The following EPHA1 variants were observed in gnomAD, a reference collection of about 807,000 sequenced individuals.
EPHA1 encodes the protein ephrin type-A receptor 1.
A neutral mutation model predicts 110.1 loss-of-function variants in EPHA1; 92 were observed. The ratio of observed to expected loss-of-function variants is 0.84; its 90% CI spans 0.71 to 0.99. EPHA1 has a LOEUF of 0.99. Ranked by LOEUF, EPHA1 falls within the 50% of genes least tolerant of loss-of-function variation. The pLI, the probability that EPHA1 is intolerant of heterozygous loss-of-function variation, is 0.00. For synonymous variants in EPHA1, 500 were observed against 516.1 expected (o/e 0.97, Z 0.42); for missense variants, 1,204 against 1,285.4 (o/e 0.94, Z 0.97).
chr7:143,401,473 C>A lies in EPHA1; in HGVS notation c.283G>T (p.Val95Phe). The A allele has an allele frequency of 6.2e-7, 1 of 1,614,090 alleles. No homozygotes were observed. Among genetic ancestry groups the A allele is most frequent in the Non-Finnish European group, 8.5e-7 (1 of 1,180,040 alleles). Reference protein sequence around the residue: ...WIYRGEEASRVHVELQFTVRD... With the variant: ...WIYRGEEASRFHVELQFTVRD... ...ACGGTGAACTGCAGCTCCACGTGGA[C>A]GCGGGAAGCCTCCTCCCCGCGGTAG... The change falls in exon 3 of 18, where the codon GTC becomes TTC. Residue 95 changes from valine to phenylalanine, a missense_variant. Physicochemically the swap from Val to Phe is conservative, Grantham distance 50. Coordinates refer to ENST00000275815, the MANE Select transcript of EPHA1 (RefSeq NM_005232.5). The surrounding 1 kb of genome is among the most constrained non-coding windows in gnomAD (Gnocchi z 4.1).
intron 2 of EPHA1, among the ~76,000 whole-genome samples, chr7:143,406,531 C>T (rs533388840): frequency 6.6e-6 from 1 of 152,300 alleles, no homozygotes; most frequent in South Asian, 2.1e-4. Context: ...CTAATTGAAC[C>T]CGAGGAGGAG....
rs963098520 is a variant in EPHA1 at position 143,393,430 on chromosome 7, C to T, written c.2696+241G>A. Among the ~76,000 whole-genome samples, 1 of 152,052 alleles carries T rather than the reference C, an allele frequency of 6.6e-6. No individual in the cohort carries two copies. Among genetic ancestry groups the T allele is most frequent in the Non-Finnish European group, 1.5e-5 (1 of 68,016 alleles). On this transcript the variant is annotated intron_variant, in intron 16 of 17. Coordinates refer to ENST00000275815, the MANE Select transcript of EPHA1 (RefSeq NM_005232.5). The surrounding 1 kb of genome is among the most constrained non-coding windows in gnomAD (Gnocchi z 5.6). ...GCTGCCTGAGAAGAGAAAAGATGGG[C>T]CCCCCACCCCCAAGCCCAGGTGAAG...
At chr7:143,407,373 A>G (rs1179396414) in intron 2 of EPHA1, among the ~76,000 whole-genome samples, 1 of 151,952 alleles carries the variant, frequency 6.6e-6, no homozygotes, top group Non-Finnish European at 1.5e-5. Context: ...TGTATTCACA[A>G]TATTCCCAAG....
intron 1 of EPHA1, among the ~76,000 whole-genome samples, chr7:143,408,226 G>A (rs907581913): frequency 6.6e-6 from 1 of 152,118 alleles, no homozygotes; most frequent in Non-Finnish European, 1.5e-5. Context: ...GGCCGGAGAG[G>A]GTGTTCCAAC....
chr7:143,393,844 A>G lies in EPHA1; in HGVS notation c.2523T>C (p.Asp841=). The change falls in exon 16 of 18, where the codon GAT becomes GAC. Residue 841 remains aspartate (D), a synonymous_variant. Transcript: ENST00000275815. This position sits in a 1 kb window ranked among gnomAD's most constrained non-coding sequence, Gnocchi z 5.6. ...CCACAGGAGGGGGCAACCGGTACCCATCCTCAATGCTCTTCATAACCTGCA... is the reference window on the plus strand; with the variant it reads ...CCACAGGAGGGGGCAACCGGTACCCGTCCTCAATGCTCTTCATAACCTGCA... ...SNQEVMKSIE[D]GYRLPPPVDC... 6.4e-7 allele frequency: 1 copy of G among 1,574,180 alleles called. No homozygotes were observed. The highest frequency in any genetic ancestry group is 1.8e-5 in the Admixed American group (1 of 56,694).
Position 143,396,528 on chromosome 7 carries a change from G to A in EPHA1, c.1772-18C>T. On this transcript the variant is annotated intron_variant, in intron 10 of 17. Coordinates refer to ENST00000275815, the MANE Select transcript of EPHA1 (RefSeq NM_005232.5). Reference sequence around the variant, plus strand: ...CTTGTCCTCTATGGGCAGAACATGAGGTTGGGGAGTACCAACATCAGGGCT... The same window carrying A: ...CTTGTCCTCTATGGGCAGAACATGAAGTTGGGGAGTACCAACATCAGGGCT... The A allele has an allele frequency of 6.2e-7, 1 of 1,612,880 alleles. No individual in the cohort carries two copies. Among genetic ancestry groups the A allele is most frequent in the Non-Finnish European group, 8.5e-7 (1 of 1,179,204 alleles).
At position 143,394,737 on chromosome 7, in the gene EPHA1, T is replaced by G. The variant is rs1002680028; in HGVS notation, c.2352+71A>C. ...GCCTGGCCAAGTCTTTGTGCCTATATACATGTGACTGTATGAATGGCATGT... is the reference window on the plus strand; with the variant it reads ...GCCTGGCCAAGTCTTTGTGCCTATAGACATGTGACTGTATGAATGGCATGT... On this transcript the variant is annotated intron_variant, in intron 14 of 17. Coordinates refer to ENST00000275815, the MANE Select transcript of EPHA1 (RefSeq NM_005232.5). The G allele has an allele frequency of 1.0e-5, 16 of 1,571,274 alleles. No individual in the cohort carries two copies. The South Asian group carries it at 1.8e-4, about 18-fold the overall frequency.
rs574159205 is a variant in EPHA1 at position 143,393,097 on chromosome 7, C to G, written c.2696+574G>C. Among the ~76,000 whole-genome samples, 144 of 152,238 alleles carry G rather than the reference C, an allele frequency of 9.5e-4. No individual in the cohort carries two copies. Among genetic ancestry groups the G allele is most frequent in the African/African-American group, 3.3e-3 (139 of 41,548 alleles). ...CCATCCTGCACTATCTGCAACCTACCAGCCCTCAGCTCCCCACAGACTAGC... is the reference window on the plus strand; with the variant it reads ...CCATCCTGCACTATCTGCAACCTACGAGCCCTCAGCTCCCCACAGACTAGC... On this transcript the variant is annotated intron_variant, in intron 16 of 17. Transcript: ENST00000275815. This position sits in a 1 kb window ranked among gnomAD's most constrained non-coding sequence, Gnocchi z 5.6.
At chr7:143,397,764 G>GCATCAGGT in intron 8 of EPHA1, 107 bp from the exon 9 acceptor site, 1 of 1,511,380 alleles carries the variant, frequency 6.6e-7, no homozygotes. Context: ...CTTTCAGTGT[G>GCATCAGGT]CATCAGGTCG....
chr7:143,391,425 C>A lies in EPHA1; in HGVS notation c.*32G>T, dbSNP rs781350590. The A allele has an allele frequency of 1.2e-6, 2 of 1,613,074 alleles. No individual in the cohort carries two copies. Among genetic ancestry groups the A allele is most frequent in the Non-Finnish European group, 1.7e-6 (2 of 1,179,572 alleles). The stretch of plus-strand genomic sequence containing the variant: ...ACCTTGGCCCCGTCCTTGCTCCTTG[C>A]ACCCTGATTGGGCATGGGGTGAGAG... On this transcript the variant is annotated 3_prime_UTR_variant, in exon 18 of 18. Transcript: ENST00000275815.
rs113810712 is a variant in EPHA1 at position 143,399,020 on chromosome 7, C to T, written c.992-75G>A. 1,535 of 1,383,310 alleles carry T rather than the reference C, an allele frequency of 1.1e-3. 17 individuals are homozygous for T. The African/African-American group carries it at 0.02, about 18-fold the overall frequency. 85.7% of individuals were successfully genotyped at this position (1,383,310 alleles called of 1,614,324 possible). On this transcript the variant is annotated intron_variant, in intron 5 of 17. Coordinates refer to ENST00000275815, the MANE Select transcript of EPHA1 (RefSeq NM_005232.5). ...AGCTGCTGATCCCCGGCCTCCACCACCACCCAATTCTCGATGTCCTCTGAA... is the reference window on the plus strand; with the variant it reads ...AGCTGCTGATCCCCGGCCTCCACCATCACCCAATTCTCGATGTCCTCTGAA...
At chr7:143,396,574 G>A in intron 10 of EPHA1, 64 bp from the exon 11 acceptor site, 2 of 1,585,374 alleles carry the variant, frequency 1.3e-6, no homozygotes, top group East Asian at 2.3e-5. Context: ...GGGGTCAGGA[G>A]AAGGGCCAGC....
In EPHA1 at chr7:143,393,626, C is replaced by T. The variant is rs1805149899; in HGVS notation, c.2696+45G>A. On this transcript the variant is annotated intron_variant, in intron 16 of 17. Transcript: ENST00000275815. The surrounding 1 kb of genome is among the most constrained non-coding windows in gnomAD (Gnocchi z 5.6). ...TGGCTGAATGCCCATTTCCACTCTC[C>T]TAGCGCTGCCTCTGGGTTCCCTAGT... 1 of 1,597,426 alleles carries T rather than the reference C, an allele frequency of 6.3e-7. No individual in the cohort carries two copies. Among genetic ancestry groups the T allele is most frequent in the Non-Finnish European group, 8.5e-7 (1 of 1,171,352 alleles).
intron 8 of EPHA1, 21 bp from the exon 9 acceptor site, chr7:143,397,678 G>A (rs763458946): frequency 1.2e-6 from 2 of 1,613,356 alleles, no homozygotes; most frequent in South Asian, 1.1e-5. Context: ...AAAGGGATGA[G>A]GAAGTGTTGG....
chr7:143,392,202 G>C (rs10227035), intron 16 of EPHA1, among the ~76,000 whole-genome samples: 2 of 152,172 alleles, frequency 1.3e-5, no homozygotes, highest in Non-Finnish European at 2.9e-5. Context: ...TGAGTTCCGG[G>C]AGCAGTCCTT....
Position 143,401,336 on chromosome 7 carries a change from G to A in EPHA1, c.420C>T (p.Pro140=). ...AGGGAAGCAGCACCTTCTGGAACAAGGGCCGTCGGAGCTGAATGCCCACAT... is the reference window on the plus strand; with the variant it reads ...AGGGAAGCAGCACCTTCTGGAACAAAGGCCGTCGGAGCTGAATGCCCACAT... ...DQDVGIQLRR[P]LFQKVTTVAA... The change falls in exon 3 of 18, where the codon CCC becomes CCT. Residue 140 remains proline, a synonymous_variant. Transcript: ENST00000275815. This position sits in a 1 kb window ranked among gnomAD's most constrained non-coding sequence, Gnocchi z 4.1. 6.2e-7 allele frequency: 1 copy of A among 1,613,712 alleles called. No homozygotes were observed. Among genetic ancestry groups the A allele is most frequent in the Non-Finnish European group, 8.5e-7 (1 of 1,179,896 alleles).
rs1805427132 is a variant in EPHA1 at position 143,401,755 on chromosome 7, T to C, written c.151-150A>G. On this transcript the variant is annotated intron_variant, in intron 2 of 17. Coordinates refer to ENST00000275815, the MANE Select transcript of EPHA1 (RefSeq NM_005232.5). The surrounding 1 kb of genome is among the most constrained non-coding windows in gnomAD (Gnocchi z 4.1). The stretch of plus-strand genomic sequence containing the variant: ...TCCCCACCCCTCAGCTCCAGGACAG[T>C]AGACTGAGTGTTTAGGGTTGGGGAT... The C allele has an allele frequency of 2.2e-6, 2 of 907,954 alleles. No individual in the cohort carries two copies. The highest frequency in any genetic ancestry group is 3.3e-6 in the Non-Finnish European group (2 of 605,196). The allele number at this position is 907,954 out of a possible 1,614,324, so 56.2% of individuals were successfully genotyped here. A position where few individuals can be genotyped will look rare whatever the true frequency, so the allele number is the denominator to read the frequency against.
Position 143,394,191 on chromosome 7 carries a change from C to T in EPHA1, c.2502+3G>A, listed in dbSNP as rs367754766. The T allele has an allele frequency of 9.7e-5, 156 of 1,610,208 alleles. 1 individual carries two copies. The African/African-American group carries it at 1.7e-3, about 18-fold the overall frequency. On this transcript the variant is annotated splice_donor_region_variant and intron_variant, in intron 15 of 17. Coordinates refer to ENST00000275815, the MANE Select transcript of EPHA1 (RefSeq NM_005232.5). ...AAGATGAGGAAGAATATTCTGGGCT[C>T]ACCTCCTGATTGCTCATCTCCCCAT...
At position 143,407,654 on chromosome 7, in the gene EPHA1, G is replaced by T; in HGVS notation, c.107C>A (p.Ala36Glu). 2 of 1,613,412 alleles carry T rather than the reference G, an allele frequency of 1.2e-6. No homozygotes were observed. The highest frequency in any genetic ancestry group is 1.7e-6 in the Non-Finnish European group (2 of 1,179,684). Residue 36 changes from alanine to glutamate, a missense_variant, in exon 2 of 18, where the codon GCA (alanine) becomes GAA (glutamate). Transcript: ENST00000275815. ...CAGCAGCCAGCCCAGCTCTCCCTGT[G>T]CCTTGCTTGTGTCCATCAGAGTAAC... is the stretch of plus-strand genomic sequence containing the variant. ...KEVTLMDTSKAQGELGWLLDP... is the reference protein window; with the variant it reads ...KEVTLMDTSKEQGELGWLLDP...
Sources: allele counts gnomAD v4.1 joint callset (sites outside exome capture counted in the v4.1 genomes callset), GRCh38; gene constraint gnomAD v4.1.1; non-coding constraint Gnocchi (gnomAD v3.1); transcripts MANE v1.5; gene names NCBI Gene and HGNC (gene_info 2026-07-23, HGNC 2026-07-21).